EML4: variants seen among roughly 807,000 people sequenced by gnomAD.
The protein encoded by EML4 is echinoderm microtubule-associated protein-like 4.
Under a neutral mutation model 129.0 loss-of-function variants are expected in EML4, and 72 were observed. The ratio of observed to expected loss-of-function variants is 0.56; its 90% CI spans 0.46 to 0.68. EML4 has a LOEUF of 0.68. Among genes scored for constraint, EML4 ranks in the 30% least tolerant of loss-of-function variants. The pLI is 0.00. For missense variants in EML4, 1,363 were observed against 1,190.6 expected, an observed-to-expected ratio of 1.14 and a Z score of -2.13; for synonymous variants, 532 against 405.0, an observed-to-expected ratio of 1.31 and a Z score of -3.77.
In EML4 at chr2:42,300,674, A is replaced by T. The variant is rs567906131; in HGVS notation, c.1490-567A>T. Among the ~76,000 whole-genome samples the T allele has an allele frequency of 1.5e-3, 236 of 152,366 alleles. 1 individual carries two copies. The highest frequency in any genetic ancestry group is 5.5e-3 in the African/African-American group (228 of 41,590). On this transcript the variant is annotated intron_variant, in intron 13 of 22. Transcript: ENST00000318522. ...AATAAAGGGGAGTAATCCTTGGCAC[A>T]GCAGAAGGCCTCTGGGTTAACAATG... is the stretch of plus-strand genomic sequence containing the variant.
Position 42,329,781 on chromosome 2 carries a change from C to T in EML4, c.2520C>T (p.Val840=), listed in dbSNP as rs192141640. 4 of 1,614,156 alleles carry T rather than the reference C, an allele frequency of 2.5e-6. No individual in the cohort carries two copies. Among genetic ancestry groups the T allele is most frequent in the Non-Finnish European group, 3.4e-6 (4 of 1,180,016 alleles). The change falls in exon 23 of 23, where the codon GTC becomes GTT. Residue 840 remains valine, a synonymous_variant. Coordinates refer to ENST00000318522, the MANE Select transcript of EML4 (RefSeq NM_019063.5). Reference sequence around the variant, plus strand: ...CCCACAGCAGCCATGTCACCAATGTCAGTTTTACTCACAATGACAGTCACC... The same window carrying T: ...CCCACAGCAGCCATGTCACCAATGTTAGTTTTACTCACAATGACAGTCACC... ...YSAHSSHVTN[V]SFTHNDSHLI...
chr2:42,251,910 A>G (rs17029408), intron 2 of EML4, among the ~76,000 whole-genome samples: 3 of 152,042 alleles, frequency 2.0e-5, no homozygotes, highest in East Asian at 1.9e-4. Context: ...GTGATACACT[A>G]TTTGAAAGCA....
chr2:42,284,538 C>A, intron 8 of EML4, 96 bp from the exon 9 acceptor site: 1 of 689,820 alleles, frequency 1.4e-6, no homozygotes, highest in Non-Finnish European at 2.4e-6. Flanking sequence ...TGTTTTTTAA[C>A]GATTAAAAAC....
At chr2:42,258,665 G>T (rs1324083171) in intron 3 of EML4, among the ~76,000 whole-genome samples, 1 of 152,038 alleles carries the variant, frequency 6.6e-6, no homozygotes, top group Non-Finnish European at 1.5e-5. Context: ...CTCCCAAAGT[G>T]GTGGGATTAC....
In EML4 at chr2:42,245,659, C is replaced by A. The variant is rs1232152180; in HGVS notation, c.180C>A (p.Ala60=). ...RRLAISEDHV[A]SVKKSVSSKG... Reference sequence around the variant, plus strand: ...TTGCAATCTCTGAAGATCATGTGGCCTCAGTGAAAAAATCAGTCTCAAGTA... The same window carrying A: ...TTGCAATCTCTGAAGATCATGTGGCATCAGTGAAAAAATCAGTCTCAAGTA... The change falls in exon 2 of 23, where the codon GCC becomes GCA. Residue 60 remains alanine, a synonymous_variant. Coordinates refer to ENST00000318522, the MANE Select transcript of EML4 (RefSeq NM_019063.5). 3 of 1,610,230 alleles carry A rather than the reference C, an allele frequency of 1.9e-6. No homozygotes were observed. Among genetic ancestry groups the A allele is most frequent in the African/African-American group, 2.7e-5 (2 of 74,650 alleles).
intron 8 of EML4, 93 bp from the exon 9 acceptor site, chr2:42,284,541 T>C (rs1667182991): frequency 2.6e-6 from 2 of 767,200 alleles, no homozygotes; most frequent in African/African-American, 1.8e-5. Context: ...TTTTTAACGA[T>C]TAAAAACTGC....
At chr2:42,217,259 C>G (rs1344776367) in intron 1 of EML4, among the ~76,000 whole-genome samples, 2 of 152,108 alleles carry the variant, frequency 1.3e-5, no homozygotes, top group Non-Finnish European at 2.9e-5. Flanking sequence ...AAATTGTAAT[C>G]TTAGGGATAC....
intron 1 of EML4, among the ~76,000 whole-genome samples, chr2:42,220,692 T>A (rs947815822): frequency 6.6e-6 from 1 of 152,158 alleles, no homozygotes; most frequent in African/African-American, 2.4e-5. Flanking sequence ...GAAGCTTAGA[T>A]GAAGAAGGCA....
chr2:42,201,045 G>C (rs1672202390), intron 1 of EML4, among the ~76,000 whole-genome samples: 1 of 152,124 alleles, frequency 6.6e-6, no homozygotes, highest in Non-Finnish European at 1.5e-5. Flanking sequence ...GTACTTTTAA[G>C]TTCTTTTAAG....
intron 1 of EML4, among the ~76,000 whole-genome samples, chr2:42,195,821 A>G (rs925454249): frequency 2.0e-5 from 3 of 152,206 alleles, no homozygotes; most frequent in Non-Finnish European, 2.9e-5. Flanking sequence ...GCATCAGGTT[A>G]TTGGAGATTT....
intron 6 of EML4, among the ~76,000 whole-genome samples, 171 bp from the exon 7 acceptor site, chr2:42,280,679 G>C (rs988805377): frequency 6.6e-6 from 1 of 152,118 alleles, no homozygotes; most frequent in African/African-American, 2.4e-5. Flanking sequence ...CCTAAAATCA[G>C]TCCCCCGTGG....
rs541971395 is a variant in EML4 at position 42,310,226 on chromosome 2, T to C, written c.1967+5675T>C. Among the ~76,000 whole-genome samples, 18 of 152,340 alleles carry C rather than the reference T, an allele frequency of 1.2e-4. No homozygotes were observed. The South Asian group carries it at 3.1e-3, about 26-fold the overall frequency. Reference sequence around the variant, plus strand: ...GTGCTTATGCCAGTTACCATAGTTGTAATCATTATGGGATTCTGTAAGGCC... The same window carrying C: ...GTGCTTATGCCAGTTACCATAGTTGCAATCATTATGGGATTCTGTAAGGCC... On this transcript the variant is annotated intron_variant, in intron 17 of 22. Transcript: ENST00000318522.
chr2:42,242,739 C>T (rs767872760), intron 1 of EML4, among the ~76,000 whole-genome samples: 9 of 150,734 alleles, frequency 6.0e-5, no homozygotes, highest in Middle Eastern at 3.4e-3. Flanking sequence ...CTTCTCGTCT[C>T]GTCTCGTCTC....
At chr2:42,212,584 C>G (rs1274590776) in intron 1 of EML4, among the ~76,000 whole-genome samples, 1 of 152,076 alleles carries the variant, frequency 6.6e-6, no homozygotes, top group Non-Finnish European at 1.5e-5. Flanking sequence ...TGCTAAAATT[C>G]TTTCTTAATT....
intron 14 of EML4, among the ~76,000 whole-genome samples, chr2:42,302,579 G>A (rs1468378001): frequency 1.3e-5 from 2 of 151,390 alleles, no homozygotes; most frequent in Non-Finnish European, 2.9e-5. Context: ...TGTCGCCCAG[G>A]CTGGAATACA....
chr2:42,223,569 C>T (rs1451327042), intron 1 of EML4, among the ~76,000 whole-genome samples: 1 of 152,090 alleles, frequency 6.6e-6, no homozygotes, highest in Non-Finnish European at 1.5e-5. Context: ...GGTCATCTTT[C>T]TTCTCCTTGC....
chr2:42,220,390 T>G (rs922670534), intron 1 of EML4, among the ~76,000 whole-genome samples: 8 of 152,118 alleles, frequency 5.3e-5, no homozygotes, highest in Non-Finnish European at 1.0e-4. Context: ...TTCACTATTA[T>G]TATATCTCTT....
At chr2:42,217,965 A>C (rs13018498) in intron 1 of EML4, among the ~76,000 whole-genome samples, 17 of 151,912 alleles carry the variant, frequency 1.1e-4, no homozygotes, top group Admixed American at 9.8e-4. Context: ...TCTCAGTCAG[A>C]TATGGGGTGA....
chr2:42,286,172 A>G (rs748321684), intron 9 of EML4, 97 bp from the exon 10 acceptor site: 6 of 769,344 alleles, frequency 7.8e-6, no homozygotes, highest in South Asian at 6.9e-5. Context: ...AAGCTTATCC[A>G]TCCCTATTAC....
Sources: allele counts gnomAD v4.1 joint callset (sites outside exome capture counted in the v4.1 genomes callset), GRCh38; gene constraint gnomAD v4.1.1; transcripts MANE v1.5; gene names NCBI Gene and HGNC (gene_info 2026-07-23, HGNC 2026-07-21).